ADGRV1: variants seen among roughly 807,000 people sequenced by gnomAD.
The protein encoded by ADGRV1 is G-protein coupled receptor 98.
ADGRV1 carries 359 observed loss-of-function variants against 596.2 expected under a neutral mutation model. The ratio of observed to expected loss-of-function variants is 0.60; its 90% CI spans 0.55 to 0.66. The LOEUF is 0.66. Ranked by LOEUF, ADGRV1 falls within the 30% of genes least tolerant of loss-of-function variation. ADGRV1 has a pLI of 0.00. For synonymous variants in ADGRV1, 2,681 were observed against 2,679.2 expected (o/e 1.00, Z -0.02); for missense variants, 7,274 against 7,575.6 (o/e 0.96, Z 1.48).
intron 83 of ADGRV1, among the ~76,000 whole-genome samples, chr5:90,889,415 G>T (rs1770597046): frequency 6.6e-6 from 1 of 152,054 alleles, no homozygotes; most frequent in Non-Finnish European, 1.5e-5. Context: ...GACTTATTCA[G>T]GGAATGAGGA....
chr5:90,760,415 T>C (rs1756395246), intron 58 of ADGRV1, among the ~76,000 whole-genome samples: 1 of 152,222 alleles, frequency 6.6e-6, no homozygotes, highest in African/African-American at 2.4e-5. Context: ...ATGTGAGCTC[T>C]TAATATCAGG....
chr5:90,866,278 T>C (rs1378506339), intron 83 of ADGRV1, among the ~76,000 whole-genome samples: 1 of 150,800 alleles, frequency 6.6e-6, no homozygotes, highest in Non-Finnish European at 1.5e-5. Flanking sequence ...TAGAAATATG[T>C]AGACTATTAT....
At chr5:91,149,137 A>G (rs551745978) in intron 87 of ADGRV1, among the ~76,000 whole-genome samples, 24 of 152,316 alleles carry the variant, frequency 1.6e-4, no homozygotes, top group African/African-American at 5.8e-4. Flanking sequence ...TTTTGGGTTA[A>G]TGCTGGAATG....
In ADGRV1 at chr5:90,694,095, C is replaced by G. The variant is rs1413833807; in HGVS notation, c.7339C>G (p.Gln2447Glu). 8 of 1,613,718 alleles carry G rather than the reference C, an allele frequency of 5.0e-6. No individual in the cohort carries two copies. In the South Asian group the frequency reaches 7.7e-5, roughly 16 times the overall value. The change falls in exon 33 of 90, where the codon CAA becomes GAA. Residue 2447 changes from glutamine (Q) to glutamate (E), a missense_variant. Physicochemically the swap from Gln to Glu is conservative, Grantham distance 29 (BLOSUM62 2). Transcript: ENST00000405460. Reference sequence around the variant, plus strand: ...CTGTGCCACTTTGTGCCTTAAGGAACAAGCTTGCTCAGCGTTTTCATTTTT... The same window carrying G: ...CTGTGCCACTTTGTGCCTTAAGGAAGAAGCTTGCTCAGCGTTTTCATTTTT... ...YTCATLCLKE[Q>E]ACSAFSFFSA...
intron 1 of ADGRV1, among the ~76,000 whole-genome samples, chr5:90,592,486 A>C (rs1759640954): frequency 1.3e-5 from 2 of 152,168 alleles, no homozygotes; most frequent in Admixed American, 1.3e-4. Flanking sequence ...AAAAGACTAC[A>C]CGTTGGGTTT....
chr5:90,749,547 A>G (rs893621849), intron 52 of ADGRV1, among the ~76,000 whole-genome samples: 10 of 152,228 alleles, frequency 6.6e-5, no homozygotes, highest in African/African-American at 2.4e-4. Flanking sequence ...TAGGATCGCT[A>G]CTCAAATTAG....
chr5:90,726,489 G>T (rs1402235480), intron 48 of ADGRV1, among the ~76,000 whole-genome samples: 2 of 151,846 alleles, frequency 1.3e-5, no homozygotes, highest in South Asian at 4.1e-4. Context: ...TTACTTCCCC[G>T]TGCTCACCAA....
intron 85 of ADGRV1, among the ~76,000 whole-genome samples, chr5:91,016,185 C>G (rs953110313): frequency 2.0e-5 from 3 of 151,872 alleles, no homozygotes; most frequent in Admixed American, 6.6e-5. Flanking sequence ...TATTAATCAG[C>G]CTTTAATTGG....
chr5:90,990,200 G>A (rs947945562), intron 85 of ADGRV1, among the ~76,000 whole-genome samples: 65 of 152,076 alleles, frequency 4.3e-4, no homozygotes, highest in African/African-American at 1.5e-3. Flanking sequence ...CAAAGTCCCT[G>A]TTTTTCCTCA....
chr5:90,824,665 C>T (rs1274888860), intron 76 of ADGRV1, among the ~76,000 whole-genome samples: 2 of 152,148 alleles, frequency 1.3e-5, no homozygotes, highest in Non-Finnish European at 1.5e-5. Flanking sequence ...CCTCACTTCA[C>T]GTCCTCAATA....
chr5:90,873,568 C>G (rs1053995935), intron 83 of ADGRV1, among the ~76,000 whole-genome samples: 1 of 152,116 alleles, frequency 6.6e-6, no homozygotes, highest in African/African-American at 2.4e-5. Flanking sequence ...ATCTTGAGTA[C>G]AAATTCTCAA....
At chr5:90,584,776 T>C (rs929663786) in intron 1 of ADGRV1, among the ~76,000 whole-genome samples, 1 of 152,224 alleles carries the variant, frequency 6.6e-6, no homozygotes, top group African/African-American at 2.4e-5. Flanking sequence ...AGCCAGCCTG[T>C]CTTTGCTAGA....
chr5:90,637,908 A>G lies in ADGRV1; in HGVS notation c.2200A>G (p.Ile734Val). Residue 734 changes from isoleucine (I) to valine (V), a missense_variant, in exon 11 of 90, where the codon ATA becomes GTA. Ile to Val is a conservative substitution (Grantham distance 29). This residue lies in a region of ADGRV1 where 1,715 missense variants were observed against 1,708.8 expected (regional missense o/e 1.00). Coordinates refer to ENST00000405460, the MANE Select transcript of ADGRV1 (RefSeq NM_032119.4). ...TINITIKGDD[I>V]PEMNETVTLS... is the part of the protein sequence containing the mutation. ...CAACATTACTATCAAAGGTGATGAC[A>G]TACCGGAAATGAATGAAACTGTAAC... 1 of 1,613,554 alleles carries G rather than the reference A, an allele frequency of 6.2e-7. No homozygotes were observed. The highest frequency in any genetic ancestry group is 8.5e-7 in the Non-Finnish European group (1 of 1,179,656).
intron 84 of ADGRV1, among the ~76,000 whole-genome samples, chr5:90,984,849 A>G (rs927212669): frequency 6.6e-6 from 1 of 152,224 alleles, no homozygotes; most frequent in African/African-American, 2.4e-5. Flanking sequence ...TCCACTGGAC[A>G]CTGAGATCAA....
At chr5:91,030,759 A>T (rs1375611778) in intron 85 of ADGRV1, among the ~76,000 whole-genome samples, 1 of 152,216 alleles carries the variant, frequency 6.6e-6, no homozygotes, top group African/African-American at 2.4e-5. Context: ...AGACAAGATT[A>T]ACTTCTAAAG....
intron 77 of ADGRV1, among the ~76,000 whole-genome samples, chr5:90,838,078 C>T (rs1765118429): frequency 6.6e-6 from 1 of 152,048 alleles, no homozygotes; most frequent in Admixed American, 6.6e-5. Context: ...GTGAACTATC[C>T]ATGCTGATGT....
At position 90,842,716 on chromosome 5, in the gene ADGRV1, T is replaced by C. The variant is rs967231238; in HGVS notation, c.17019+1731T>C. 4.6e-5 allele frequency among the ~76,000 whole-genome samples: 7 copies of C among 151,262 alleles called. 1 individual carries two copies. The East Asian group carries it at 1.4e-3, about 29-fold the overall frequency. On this transcript the variant is annotated intron_variant, in intron 78 of 89. Transcript: ENST00000405460. ...CTGGGCAACAGAGCAAGACTCCATC[T>C]CAAAAAAAAAAATTGTAAAATCAAG...
At chr5:90,925,540 G>A (rs376793243) in intron 83 of ADGRV1, among the ~76,000 whole-genome samples, 13 of 152,106 alleles carry the variant, frequency 8.5e-5, no homozygotes, top group African/African-American at 2.2e-4. Context: ...GGCTGAGACA[G>A]TGGGGTTTTC....
chr5:90,870,281 T>C (rs150528698), intron 83 of ADGRV1, among the ~76,000 whole-genome samples: 2 of 152,290 alleles, frequency 1.3e-5, no homozygotes, highest in African/African-American at 2.4e-5. Context: ...TTTACTCTTA[T>C]AACAACCAGA....
Sources: gnomAD v4.1 joint callset for allele counts (sites outside exome capture counted in the v4.1 genomes callset) on GRCh38, gnomAD v4.1.1 for gene constraint, gnomAD v4.1.1 regional missense constraint, MANE v1.5 for transcripts, NCBI Gene and HGNC (gene_info 2026-07-23, HGNC 2026-07-21) for gene names.